PDE4D: variants seen among roughly 807,000 people sequenced by gnomAD.
PDE4D encodes the protein 3',5'-cyclic-AMP phosphodiesterase 4D.
In PDE4D, 24 loss-of-function variants were observed where a neutral mutation model predicts 87.4. That is an observed-to-expected ratio of 0.27 (90% CI 0.20 to 0.39). The LOEUF is 0.39. Ranked by LOEUF, PDE4D falls within the 10% of genes least tolerant of loss-of-function variation. The probability of loss-of-function intolerance (pLI) is 1.00; values close to 1 mark genes in which losing one functional copy is unlikely to be tolerated. For missense variants in PDE4D, 714 were observed against 1,041.0 expected (o/e 0.69, Z 4.32); for synonymous variants, 384 against 383.2 (o/e 1.00, Z -0.02).
At chr5:59,572,161 C>T (rs1271796481) in intron 1 of PDE4D, among the ~76,000 whole-genome samples, 1 of 152,104 alleles carries the variant, frequency 6.6e-6, no homozygotes, top group Admixed American at 6.6e-5. Flanking sequence ...TCAACATTTG[C>T]CTCAAAAATT....
chr5:59,458,064 T>C (rs373203996), intron 1 of PDE4D, among the ~76,000 whole-genome samples: 1 of 152,224 alleles, frequency 6.6e-6, no homozygotes, highest in Non-Finnish European at 1.5e-5. Context: ...TGCTTTCTTA[T>C]TATTTTGCCT....
At chr5:59,391,854 G>A (rs764833679) in intron 1 of PDE4D, among the ~76,000 whole-genome samples, 6 of 150,480 alleles carry the variant, frequency 4.0e-5, no homozygotes, top group African/African-American at 7.4e-5. Flanking sequence ...ACACACATTC[G>A]TTAACCTCTT....
chr5:60,302,191 A>G (rs1210356678), intron 1 of PDE4D, among the ~76,000 whole-genome samples: 1 of 152,210 alleles, frequency 6.6e-6, no homozygotes, highest in East Asian at 1.9e-4. Flanking sequence ...GCCTCATAGA[A>G]TGAGTTAGGG....
chr5:59,187,391 T>C (rs1234948712), intron 3 of PDE4D, among the ~76,000 whole-genome samples: 1 of 152,114 alleles, frequency 6.6e-6, no homozygotes, highest in African/African-American at 2.4e-5. Flanking sequence ...CCTTCAATGA[T>C]TAAGATAAAA....
At chr5:59,918,019 T>C (rs1327468165) in intron 3 of PDE4D, among the ~76,000 whole-genome samples, 4 of 152,020 alleles carry the variant, frequency 2.6e-5, no homozygotes, top group African/African-American at 9.7e-5. Context: ...TAGTGACCTA[T>C]AGTTTTATAC....
chr5:60,038,082 C>G (rs1257757261), intron 2 of PDE4D, among the ~76,000 whole-genome samples: 1 of 152,114 alleles, frequency 6.6e-6, no homozygotes, highest in Non-Finnish European at 1.5e-5. Flanking sequence ...GTTGCCTGTT[C>G]ACTCTGATGG....
intron 1 of PDE4D, among the ~76,000 whole-genome samples, chr5:59,708,905 C>CTTTTT (rs1163498058): frequency 7.4e-6 from 1 of 135,340 alleles, no homozygotes; most frequent in African/African-American, 2.7e-5. Context: ...TCTCATCTGG[C>CTTTTT]TTTTTTTTTT....
chr5:59,568,444 C>A (rs182626386), intron 1 of PDE4D, among the ~76,000 whole-genome samples: 6 of 151,944 alleles, frequency 3.9e-5, no homozygotes, highest in Admixed American at 3.9e-4. Flanking sequence ...AGTATAACAC[C>A]CTCTTAAGTG....
chr5:59,651,729 C>G (rs995626324), intron 1 of PDE4D, among the ~76,000 whole-genome samples: 4 of 151,846 alleles, frequency 2.6e-5, no homozygotes, highest in Non-Finnish European at 5.9e-5. Context: ...TGGAGAAGCA[C>G]TAGATTAGGA....
At chr5:59,466,619 A>G (rs958152224) in intron 1 of PDE4D, among the ~76,000 whole-genome samples, 1 of 152,214 alleles carries the variant, frequency 6.6e-6, no homozygotes, top group Non-Finnish European at 1.5e-5. Context: ...AAAGTCAGCA[A>G]TAATTGGAAA....
chr5:60,310,661 C>T (rs1754941622), intron 1 of PDE4D, among the ~76,000 whole-genome samples: 1 of 152,250 alleles, frequency 6.6e-6, no homozygotes. Context: ...CCATGTGCAT[C>T]TGCACATGCT....
chr5:58,996,688 C>T (rs1216792593), intron 6 of PDE4D, among the ~76,000 whole-genome samples: 1 of 151,980 alleles, frequency 6.6e-6, no homozygotes, highest in Non-Finnish European at 1.5e-5. Flanking sequence ...ATTATGTTGC[C>T]CAAAGAGAAC....
intron 5 of PDE4D, among the ~76,000 whole-genome samples, chr5:59,168,191 AC>A (rs1782189237): frequency 6.6e-6 from 1 of 152,166 alleles, no homozygotes; most frequent in African/African-American, 2.4e-5. Flanking sequence ...GAGCTAGGAA[AC>A]TTTTGCCTAG....
chr5:59,719,944 A>G (rs191443791), intron 1 of PDE4D, among the ~76,000 whole-genome samples: 209 of 152,220 alleles, frequency 1.4e-3, no homozygotes, highest in African/African-American at 4.9e-3. Flanking sequence ...GAACATCCAT[A>G]ATTTCACTCA....
intron 1 of PDE4D, among the ~76,000 whole-genome samples, chr5:59,714,927 T>C (rs1161889382): frequency 1.3e-5 from 2 of 152,246 alleles, no homozygotes; most frequent in African/African-American, 4.8e-5. Context: ...GGTGCTCATT[T>C]GAGTTGGATG....
chr5:59,131,691 T>G, intron 5 of PDE4D, among the ~76,000 whole-genome samples: 1 of 145,890 alleles, frequency 6.9e-6, no homozygotes, highest in African/African-American at 2.6e-5. Context: ...GACTGCCCTT[T>G]TTGTCCTTGT....
At chr5:59,570,731 T>C (rs199898925) in intron 1 of PDE4D, among the ~76,000 whole-genome samples, 2 of 152,158 alleles carry the variant, frequency 1.3e-5, no homozygotes, top group East Asian at 3.8e-4. Flanking sequence ...AACTCAATGA[T>C]ATTATCGTTG....
intron 2 of PDE4D, among the ~76,000 whole-genome samples, chr5:60,132,601 T>C (rs1779678822): frequency 6.6e-6 from 1 of 152,206 alleles, no homozygotes; most frequent in African/African-American, 2.4e-5. Context: ...AGATACTTTG[T>C]ATTGACAATA....
chr5:59,213,938 T>G (rs1229594252), intron 2 of PDE4D, among the ~76,000 whole-genome samples: 13 of 151,622 alleles, frequency 8.6e-5, no homozygotes, highest in African/African-American at 2.9e-4. Flanking sequence ...ACCATGTACG[T>G]ACATCACCAT....
Sources: gnomAD v4.1 joint callset for allele counts (sites outside exome capture counted in the v4.1 genomes callset) on GRCh38, gnomAD v4.1.1 for gene constraint, MANE v1.5 for transcripts, NCBI Gene and HGNC (gene_info 2026-07-23, HGNC 2026-07-21) for gene names.